The following KRTAP2-3 variants were observed in gnomAD, a reference collection of about 807,000 sequenced individuals.
The protein encoded by KRTAP2-3 is keratin-associated protein 2-3.
A neutral mutation model predicts 11.2 loss-of-function variants in KRTAP2-3; 9 were observed. That is an observed-to-expected ratio of 0.80 (90% CI 0.48 to 1.40). The LOEUF is 1.40. Among genes scored for constraint, KRTAP2-3 ranks in the 40% most tolerant of loss-of-function variants. The probability of loss-of-function intolerance (pLI) is 0.00; values close to 1 mark genes in which losing one functional copy is unlikely to be tolerated. For missense variants in KRTAP2-3, 93 were observed against 176.8 expected, an observed-to-expected ratio of 0.53 and a Z score of 2.69; for synonymous variants, 45 against 76.2, an observed-to-expected ratio of 0.59 and a Z score of 2.13.
Position 41,060,053 on chromosome 17 carries a change from T to G in KRTAP2-3, c.-3A>C, listed in dbSNP as rs1216382301. ...GAGCCGCAGCAGGAGCCGGTCATGG[T>G]GGTGTCTGAGGCTGGTGTGGGTTGG... is the stretch of plus-strand genomic sequence containing the variant. On this transcript the variant is annotated 5_prime_UTR_variant, in exon 1 of 1. Coordinates refer to ENST00000391418, the MANE Select transcript of KRTAP2-3 (RefSeq NM_001165252.2). The G allele has an allele frequency of 6.7e-7, 1 of 1,489,794 alleles. No homozygotes were observed. The highest frequency in any genetic ancestry group is 2.4e-5 in the Admixed American group (1 of 42,052). 92.3% of individuals were successfully genotyped at this position (1,489,794 alleles called of 1,614,324 possible).
Position 41,059,667 on chromosome 17 carries a change from G to T in KRTAP2-3, c.384C>A (p.Cys128Ter). 6.4e-7 allele frequency: 1 copy of T among 1,554,664 alleles called. No homozygotes were observed. Among genetic ancestry groups the T allele is most frequent in the East Asian group, 2.4e-5 (1 of 41,742 alleles). The change falls in exon 1 of 1, where the codon TGC (cysteine) becomes TGA (stop). Residue 128 changes from cysteine (C) to a stop codon, truncating the protein, a stop_gained. Transcript: ENST00000391418. LOFTEE classifies it high-confidence loss of function. The stretch of plus-strand genomic sequence containing the variant: ...CGTTGAGAGGAGAGGTGGGGTCTCA[G>T]CAGGAGGAGGTCCTGCAGGTGGTGC... ...PCSTTCRTSS[C>*]
Position 41,059,341 on chromosome 17 carries a change from G to A in KRTAP2-3, c.*323C>T. 2.4e-6 allele frequency: 1 copy of A among 411,692 alleles called. No individual in the cohort carries two copies. Among genetic ancestry groups the A allele is most frequent in the South Asian group, 6.5e-5 (1 of 15,348 alleles). The allele number at this position is 411,692 out of a possible 1,614,324, so 25.5% of individuals were successfully genotyped here. A position where few individuals can be genotyped will look rare whatever the true frequency, so the allele number is the denominator to read the frequency against. ...GAAAAAAATCTCATCTGAGAACCTTGAAACAGTAGAAAAAAGGGTGATGAG... is the reference window on the plus strand; with the variant it reads ...GAAAAAAATCTCATCTGAGAACCTTAAAACAGTAGAAAAAAGGGTGATGAG... On this transcript the variant is annotated 3_prime_UTR_variant, in exon 1 of 1. Coordinates refer to ENST00000391418, the MANE Select transcript of KRTAP2-3 (RefSeq NM_001165252.2).
rs1374404365 is a variant in KRTAP2-3 at position 41,059,248 on chromosome 17, C to T, written c.*416G>A. ...ATAAATAAAAAGAAATGTTTGCTTC[C>T]CCAGAAATATAATTTTATTTTTTTT... is the stretch of plus-strand genomic sequence containing the variant. On this transcript the variant is annotated 3_prime_UTR_variant, in exon 1 of 1. Transcript: ENST00000391418. 2 of 182,576 alleles carry T rather than the reference C, an allele frequency of 1.1e-5. No homozygotes were observed. The highest frequency in any genetic ancestry group is 4.7e-5 in the African/African-American group (2 of 42,204). 11.3% of individuals were successfully genotyped at this position (182,576 alleles called of 1,614,324 possible). A position where few individuals can be genotyped will look rare whatever the true frequency, so the allele number is the denominator to read the frequency against.
In KRTAP2-3 at chr17:41,059,828, G is replaced by A. The variant is rs540380028; in HGVS notation, c.223C>T (p.Arg75Cys). ...GACGAGGGGCAGCAGGTGATGGGGC[G>A]GCAGCAGCCTTCCTGCAGGGAGCAG... The part of the protein sequence containing the change: ...DPCSLQEGCC[R>C]PITCCPSSCT... Residue 75 changes from arginine (R) to cysteine (C), a missense_variant, in exon 1 of 1, where the codon CGC becomes TGC. Physicochemically the swap from Arg to Cys is radical, Grantham distance 180. Transcript: ENST00000391418. 1.7e-4 allele frequency: 268 copies of A among 1,533,924 alleles called. 3 individuals are homozygous for A. In the African/African-American group the frequency reaches 2.8e-3, roughly 16 times the overall value.
rs749823289 is a variant in KRTAP2-3 at position 41,059,549 on chromosome 17, G to T, written c.*115C>A. 264 of 1,441,650 alleles carry T rather than the reference G, an allele frequency of 1.8e-4. 2 individuals are homozygous for T. The highest frequency in any genetic ancestry group is 2.4e-4 in the Non-Finnish European group (258 of 1,082,552). The allele number at this position is 1,441,650 out of a possible 1,614,324, so 89.3% of individuals were successfully genotyped here. On this transcript the variant is annotated 3_prime_UTR_variant, in exon 1 of 1. Coordinates refer to ENST00000391418, the MANE Select transcript of KRTAP2-3 (RefSeq NM_001165252.2). ...TGTTATTGTTGAATTCGTGCTTGAG[G>T]ATCAGCTAGGCTGCAAAGGTGGAGT...
rs1300917510 is a variant in KRTAP2-3, at chr17:41,059,748, A to C, written c.303T>G (p.Pro101=). ...PCCWATTCCQ[P]VSVQSPCCRP... ...GGCAGCAGGGGGACTGCACAGACAC[A>C]GGCTGGCAGCAGGTGGTGGCCCAGC... is the stretch of plus-strand genomic sequence containing the variant. Residue 101 remains proline (P), a synonymous_variant, in exon 1 of 1, where the codon CCT becomes CCG. Transcript: ENST00000391418. 14 of 1,551,352 alleles carry C rather than the reference A, an allele frequency of 9.0e-6. No homozygotes were observed. The Admixed American group carries it at 2.7e-4, about 30-fold the overall frequency.
Position 41,059,593 on chromosome 17 carries a change from G to A in KRTAP2-3, c.*71C>T. 1 of 1,517,774 alleles carries A rather than the reference G, an allele frequency of 6.6e-7. No individual in the cohort carries two copies. The highest frequency in any genetic ancestry group is 8.9e-7 in the Non-Finnish European group (1 of 1,126,718). 94.0% of individuals were successfully genotyped at this position (1,517,774 alleles called of 1,614,324 possible). On this transcript the variant is annotated 3_prime_UTR_variant, in exon 1 of 1. Coordinates refer to ENST00000391418, the MANE Select transcript of KRTAP2-3 (RefSeq NM_001165252.2). ...GTGGAGTCTCTCATCTGATCCAGAA[G>A]GGGTAGAAGAGTCTGCACAAGCTTC...
In KRTAP2-3 at chr17:41,059,411, T is replaced by C. The variant is rs1287384181; in HGVS notation, c.*253A>G. On this transcript the variant is annotated 3_prime_UTR_variant, in exon 1 of 1. Coordinates refer to ENST00000391418, the MANE Select transcript of KRTAP2-3 (RefSeq NM_001165252.2). Reference sequence around the variant, plus strand: ...TTCAAGAGGAGCTTTGATTTTTATTTACTCGTTTTTTTTTTCAAGCCAGGA... The same window carrying C: ...TTCAAGAGGAGCTTTGATTTTTATTCACTCGTTTTTTTTTTCAAGCCAGGA... The C allele has an allele frequency of 1.5e-6, 1 of 646,212 alleles. No homozygotes were observed. The highest frequency in any genetic ancestry group is 2.5e-6 in the Non-Finnish European group (1 of 401,626). The allele number at this position is 646,212 out of a possible 1,614,324, so 40.0% of individuals were successfully genotyped here.
chr17:41,059,560 C>T lies in KRTAP2-3; in HGVS notation c.*104G>A. ...AATTCGTGCTTGAGGATCAGCTAGGCTGCAAAGGTGGAGTCTCTCATCTGA... is the reference window on the plus strand; with the variant it reads ...AATTCGTGCTTGAGGATCAGCTAGGTTGCAAAGGTGGAGTCTCTCATCTGA... On this transcript the variant is annotated 3_prime_UTR_variant, in exon 1 of 1. Coordinates refer to ENST00000391418, the MANE Select transcript of KRTAP2-3 (RefSeq NM_001165252.2). 6.8e-7 allele frequency: 1 copy of T among 1,465,862 alleles called. No homozygotes were observed. The highest frequency in any genetic ancestry group is 9.1e-7 in the Non-Finnish European group (1 of 1,098,662). The allele number at this position is 1,465,862 out of a possible 1,614,324, so 90.8% of individuals were successfully genotyped here. A position where few individuals can be genotyped will look rare whatever the true frequency, so the allele number is the denominator to read the frequency against.
Position 41,059,770 on chromosome 17 carries a change from C to T in KRTAP2-3, c.281G>A (p.Trp94Ter). The stretch of plus-strand genomic sequence containing the variant: ...CACAGGCTGGCAGCAGGTGGTGGCC[C>T]AGCAGCAGGGCCTGCACACCACAGC... ...CTAVVCRPCCWATTCCQPVSV... is the reference protein window; with the variant it reads ...CTAVVCRPCC The change falls in exon 1 of 1, where the codon TGG becomes TAG. Residue 94 changes from tryptophan to a stop codon, truncating the protein, a stop_gained. Coordinates refer to ENST00000391418, the MANE Select transcript of KRTAP2-3 (RefSeq NM_001165252.2). LOFTEE classifies it high-confidence loss of function. 1 of 1,547,590 alleles carries T rather than the reference C, an allele frequency of 6.5e-7. No individual in the cohort carries two copies.
At position 41,059,325 on chromosome 17, in the gene KRTAP2-3, C is replaced by A; in HGVS notation, c.*339G>T. The A allele has an allele frequency of 2.8e-6, 1 of 356,586 alleles. No individual in the cohort carries two copies. The highest frequency in any genetic ancestry group is 4.5e-5 in the East Asian group (1 of 22,162). 22.1% of individuals were successfully genotyped at this position (356,586 alleles called of 1,614,324 possible). On this transcript the variant is annotated 3_prime_UTR_variant, in exon 1 of 1. Coordinates refer to ENST00000391418, the MANE Select transcript of KRTAP2-3 (RefSeq NM_001165252.2). ...TAGTATTATCCTGGAAGAAAAAAAT[C>A]TCATCTGAGAACCTTGAAACAGTAG...
rs555643717 is a variant in KRTAP2-3 at position 41,059,662 on chromosome 17, T to G, written c.*2A>C. 1,618 of 1,553,542 alleles carry G rather than the reference T, an allele frequency of 1.0e-3. 17 individuals are homozygous for G. In the African/African-American group the frequency reaches 0.019, roughly 18 times the overall value. On this transcript the variant is annotated 3_prime_UTR_variant, in exon 1 of 1. Transcript: ENST00000391418. ...TCGTGCGTTGAGAGGAGAGGTGGGG[T>G]CTCAGCAGGAGGAGGTCCTGCAGGT...
At position 41,059,433 on chromosome 17, in the gene KRTAP2-3, A is replaced by T; in HGVS notation, c.*231T>A. ...ATTTACTCGTTTTTTTTTTCAAGCC[A>T]GGAATTCGAATGATGAAAGCTGGAA... On this transcript the variant is annotated 3_prime_UTR_variant, in exon 1 of 1. Coordinates refer to ENST00000391418, the MANE Select transcript of KRTAP2-3 (RefSeq NM_001165252.2). 1 of 729,262 alleles carries T rather than the reference A, an allele frequency of 1.4e-6. No individual in the cohort carries two copies. The highest frequency in any genetic ancestry group is 2.1e-6 in the Non-Finnish European group (1 of 483,696). 45.2% of individuals were successfully genotyped at this position (729,262 alleles called of 1,614,324 possible).
In KRTAP2-3 at chr17:41,059,386, T is replaced by G; in HGVS notation, c.*278A>C. ...GATGAGTCAGTGGGACAGAGTTCTA[T>G]TCAAGAGGAGCTTTGATTTTTATTT... On this transcript the variant is annotated 3_prime_UTR_variant, in exon 1 of 1. Transcript: ENST00000391418. The G allele has an allele frequency of 7.0e-6, 4 of 574,926 alleles. No individual in the cohort carries two copies. Among genetic ancestry groups the G allele is most frequent in the Non-Finnish European group, 1.2e-5 (4 of 340,138 alleles). The allele number at this position is 574,926 out of a possible 1,614,324, so 35.6% of individuals were successfully genotyped here.
rs1207183985 is a variant in KRTAP2-3, at chr17:41,059,408, A to G, written c.*256T>C. 12 of 633,802 alleles carry G rather than the reference A, an allele frequency of 1.9e-5. No homozygotes were observed. Among genetic ancestry groups the G allele is most frequent in the Admixed American group, 3.3e-5 (1 of 29,862 alleles). The allele number at this position is 633,802 out of a possible 1,614,324, so 39.3% of individuals were successfully genotyped here. ...CTATTCAAGAGGAGCTTTGATTTTT[A>G]TTTACTCGTTTTTTTTTTCAAGCCA... On this transcript the variant is annotated 3_prime_UTR_variant, in exon 1 of 1. Coordinates refer to ENST00000391418, the MANE Select transcript of KRTAP2-3 (RefSeq NM_001165252.2).
At position 41,059,475 on chromosome 17, in the gene KRTAP2-3, C is replaced by T. The variant is rs1261762921; in HGVS notation, c.*189G>A. 9.9e-7 allele frequency: 1 copy of T among 1,009,066 alleles called. No individual in the cohort carries two copies. The highest frequency in any genetic ancestry group is 2.7e-5 in the South Asian group (1 of 37,580). 62.5% of individuals were successfully genotyped at this position (1,009,066 alleles called of 1,614,324 possible). A position where few individuals can be genotyped will look rare whatever the true frequency, so the allele number is the denominator to read the frequency against. The stretch of plus-strand genomic sequence containing the variant: ...AAGCTGGAATTTTTCTCAAGATTGT[C>T]AGAGAGGGCCAGGATTAGCTGCATA... On this transcript the variant is annotated 3_prime_UTR_variant, in exon 1 of 1. Coordinates refer to ENST00000391418, the MANE Select transcript of KRTAP2-3 (RefSeq NM_001165252.2).
In KRTAP2-3 at chr17:41,059,380, G is replaced by T; in HGVS notation, c.*284C>A. The stretch of plus-strand genomic sequence containing the variant: ...AAGGGTGATGAGTCAGTGGGACAGA[G>T]TTCTATTCAAGAGGAGCTTTGATTT... On this transcript the variant is annotated 3_prime_UTR_variant, in exon 1 of 1. Transcript: ENST00000391418. The T allele has an allele frequency of 1.8e-6, 1 of 548,854 alleles. No homozygotes were observed. The highest frequency in any genetic ancestry group is 3.1e-6 in the Non-Finnish European group (1 of 324,028). 34.0% of individuals were successfully genotyped at this position (548,854 alleles called of 1,614,324 possible).
chr17:41,059,456 G>T lies in KRTAP2-3; in HGVS notation c.*208C>A. ...CCAGGAATTCGAATGATGAAAGCTGGAATTTTTCTCAAGATTGTCAGAGAG... is the reference window on the plus strand; with the variant it reads ...CCAGGAATTCGAATGATGAAAGCTGTAATTTTTCTCAAGATTGTCAGAGAG... On this transcript the variant is annotated 3_prime_UTR_variant, in exon 1 of 1. Transcript: ENST00000391418. 1.1e-6 allele frequency: 1 copy of T among 913,556 alleles called. No individual in the cohort carries two copies. Among genetic ancestry groups the T allele is most frequent in the Non-Finnish European group, 1.5e-6 (1 of 653,878 alleles). 56.6% of individuals were successfully genotyped at this position (913,556 alleles called of 1,614,324 possible).
Position 41,059,539 on chromosome 17 carries a change from C to A in KRTAP2-3, c.*125G>T. 1 of 1,408,276 alleles carries A rather than the reference C, an allele frequency of 7.1e-7. No homozygotes were observed. The highest frequency in any genetic ancestry group is 9.5e-7 in the Non-Finnish European group (1 of 1,057,270). The allele number at this position is 1,408,276 out of a possible 1,614,324, so 87.2% of individuals were successfully genotyped here. A position where few individuals can be genotyped will look rare whatever the true frequency, so the allele number is the denominator to read the frequency against. Reference sequence around the variant, plus strand: ...ATAGATAGGATGTTATTGTTGAATTCGTGCTTGAGGATCAGCTAGGCTGCA... The same window carrying A: ...ATAGATAGGATGTTATTGTTGAATTAGTGCTTGAGGATCAGCTAGGCTGCA... On this transcript the variant is annotated 3_prime_UTR_variant, in exon 1 of 1. Transcript: ENST00000391418.
Sources: gnomAD v4.1 joint callset for allele counts on GRCh38, gnomAD v4.1.1 for gene constraint, MANE v1.5 for transcripts, NCBI Gene and HGNC (gene_info 2026-07-23, HGNC 2026-07-21) for gene names.